Variants in PVT1 observed in about 807,000 individuals in gnomAD.
The protein encoded by PVT1 is Pvt1 oncogene.
At chr8:127,877,733 G>A (rs372171690) in intron 2 of PVT1, among the ~76,000 whole-genome samples, 3 of 152,132 alleles carry the variant, frequency 2.0e-5, no homozygotes, top group East Asian at 1.9e-4. Context: ...TTTCCAGCCT[G>A]GGCAACATGA....
intron 2 of PVT1, among the ~76,000 whole-genome samples, chr8:127,855,676 C>T (rs1815152965): frequency 1.3e-5 from 2 of 152,246 alleles, no homozygotes; most frequent in Admixed American, 6.5e-5. Context: ...CAGGCCTCAG[C>T]AGACTGAGCG....
chr8:128,048,808 C>A (rs112969224), intron 4 of PVT1, among the ~76,000 whole-genome samples: 1,623 of 152,296 alleles, frequency 0.011, 15 homozygotes, highest in Non-Finnish European at 0.016. Context: ...AAGGCGAAAG[C>A]GCTTATTGTG....
intron 2 of PVT1, among the ~76,000 whole-genome samples, chr8:127,848,348 C>G (rs1044095357): frequency 6.6e-6 from 1 of 152,018 alleles, no homozygotes; most frequent in African/African-American, 2.4e-5. Flanking sequence ...CCCAGGAATT[C>G]GAGGCCAGCC....
intron 3 of PVT1, among the ~76,000 whole-genome samples, chr8:127,922,698 G>A (rs971831010): frequency 1.6e-4 from 24 of 152,256 alleles, no homozygotes; most frequent in Non-Finnish European, 3.5e-4. Flanking sequence ...ACAGTGGTAG[G>A]AAGGGAAGGC....
chr8:127,845,546 T>C (rs930327191), intron 2 of PVT1, among the ~76,000 whole-genome samples: 1 of 152,206 alleles, frequency 6.6e-6, no homozygotes, highest in African/African-American at 2.4e-5. Flanking sequence ...CCAAAAATAC[T>C]GTGTGAGTCT....
At chr8:128,007,375 C>T (rs1056951542) in intron 4 of PVT1, among the ~76,000 whole-genome samples, 2 of 151,568 alleles carry the variant, frequency 1.3e-5, no homozygotes, top group African/African-American at 2.4e-5. Context: ...TGGAATTTCT[C>T]AGTTTTTTAA....
intron 2 of PVT1, among the ~76,000 whole-genome samples, chr8:127,847,495 C>T (rs1815048841): frequency 1.3e-5 from 2 of 152,104 alleles, no homozygotes; most frequent in Non-Finnish European, 2.9e-5. Context: ...ACAGAGATAA[C>T]CTATAGATAT....
intron 4 of PVT1, among the ~76,000 whole-genome samples, chr8:128,027,101 A>T (rs1813308580): frequency 6.6e-6 from 1 of 151,956 alleles, no homozygotes; most frequent in Non-Finnish European, 1.5e-5. Flanking sequence ...TTACATAAGA[A>T]TCTCAGAGAT....
chr8:127,916,480 T>C (rs1437096150), intron 3 of PVT1, among the ~76,000 whole-genome samples: 3 of 152,178 alleles, frequency 2.0e-5, no homozygotes, highest in African/African-American at 7.2e-5. Flanking sequence ...ATTTCTTGTC[T>C]TTGTGTGTGC....
At chr8:128,033,922 TC>T (rs1242967540) in intron 4 of PVT1, among the ~76,000 whole-genome samples, 2 of 152,200 alleles carry the variant, frequency 1.3e-5, no homozygotes, top group African/African-American at 2.4e-5. Flanking sequence ...TTGCTTGCTT[TC>T]CCATGTTAAG....
chr8:128,026,751 C>T (rs1813294691), intron 4 of PVT1, among the ~76,000 whole-genome samples: 4 of 152,182 alleles, frequency 2.6e-5, no homozygotes, highest in Non-Finnish European at 4.4e-5. Context: ...CTTATAGTCT[C>T]CCACCTACCC....
At chr8:127,830,501 G>A (rs897956277) in intron 2 of PVT1, among the ~76,000 whole-genome samples, 6 of 151,962 alleles carry the variant, frequency 3.9e-5, no homozygotes, top group African/African-American at 1.2e-4. Context: ...AGAGAAAAAC[G>A]TAGATTTTAC....
chr8:127,814,140 T>C (rs1318392591), intron 2 of PVT1, among the ~76,000 whole-genome samples: 1 of 152,240 alleles, frequency 6.6e-6, no homozygotes, highest in East Asian at 1.9e-4. Flanking sequence ...TTTTCCTTTA[T>C]CCAGACAGCT....
chr8:128,053,595 C>T (rs1282670122), intron 4 of PVT1, among the ~76,000 whole-genome samples: 1 of 152,160 alleles, frequency 6.6e-6, no homozygotes, highest in African/African-American at 2.4e-5. Flanking sequence ...AGATGTTACC[C>T]CTAGGAAACA....
chr8:127,948,252 A>G lies in PVT1; in HGVS notation n.783-40910A>G, dbSNP rs1586450330. The stretch of plus-strand genomic sequence containing the variant: ...AAGCAGCTGCTGAGTGGTGGAGCAC[A>G]GAGGTATTCCCTGAGCCCCAGCTTG... On this transcript the variant is annotated intron_variant and non_coding_transcript_variant, in intron 3 of 10. Coordinates refer to ENST00000651587, the Ensembl canonical transcript of PVT1. The G allele has an allele frequency of 2.4e-5, 7 of 297,212 alleles. 1 individual carries two copies. The Admixed American group carries it at 3.1e-4, about 13-fold the overall frequency. 18.4% of individuals were successfully genotyped at this position (297,212 alleles called of 1,614,324 possible).
intron 2 of PVT1, among the ~76,000 whole-genome samples, chr8:127,861,777 T>A (rs1219620974): frequency 6.6e-6 from 1 of 152,236 alleles, no homozygotes; most frequent in Non-Finnish European, 1.5e-5. Context: ...AGCCCCTCGC[T>A]AGTACCAGGC....
intron 3 of PVT1, among the ~76,000 whole-genome samples, chr8:127,941,746 G>A (rs1165023703): frequency 1.3e-5 from 2 of 152,134 alleles, no homozygotes; most frequent in African/African-American, 2.4e-5. Flanking sequence ...CTGATTTAGG[G>A]CAATGCATGT....
chr8:128,069,663 C>T (rs543356794), intron 4 of PVT1, among the ~76,000 whole-genome samples: 24 of 152,266 alleles, frequency 1.6e-4, no homozygotes, highest in African/African-American at 5.8e-4. Flanking sequence ...TAGAATCTCC[C>T]CACACTATCT....
At chr8:127,807,056 C>T (rs563339577) in intron 2 of PVT1, among the ~76,000 whole-genome samples, 16 of 152,282 alleles carry the variant, frequency 1.1e-4, no homozygotes, top group South Asian at 2.1e-4. Context: ...TCAGCAGCTC[C>T]GCTAGTGAGT....
Sources: allele counts gnomAD v4.1 joint callset (sites outside exome capture counted in the v4.1 genomes callset), GRCh38; gene constraint gnomAD v4.1.1; transcripts MANE v1.5; gene names NCBI Gene and HGNC (gene_info 2026-07-23, HGNC 2026-07-21).